The following SPAG17 variants were observed in gnomAD, a reference collection of about 807,000 sequenced individuals.
The protein encoded by SPAG17 is sperm associated antigen 17, also known as sperm-associated antigen 17.
A neutral mutation model predicts 273.6 loss-of-function variants in SPAG17; 169 were observed. The observed-to-expected ratio is 0.62, with a 90% CI of 0.55 to 0.70. SPAG17 has a LOEUF of 0.70. Among genes scored for constraint, SPAG17 ranks in the 30% least tolerant of loss-of-function variants. The probability of loss-of-function intolerance (pLI) is 0.00; values close to 1 mark genes in which losing one functional copy is unlikely to be tolerated. For missense variants in SPAG17, 2,557 were observed against 2,627.8 expected (o/e 0.97, Z 0.59); for synonymous variants, 825 against 873.2 (o/e 0.94, Z 0.97).
At chr1:118,094,380 C>T (rs1228880998) in intron 7 of SPAG17, among the ~76,000 whole-genome samples, 2 of 152,184 alleles carry the variant, frequency 1.3e-5, no homozygotes, top group Admixed American at 1.3e-4. Flanking sequence ...AGGGTCTTAA[C>T]TTGAAATGTT....
Position 118,023,315 on chromosome 1 carries a change from T to C in SPAG17, c.4058A>G (p.Asn1353Ser), listed in dbSNP as rs1240860893. 1.9e-6 allele frequency: 3 copies of C among 1,610,122 alleles called. No individual in the cohort carries two copies. The highest frequency in any genetic ancestry group is 2.2e-5 in the South Asian group (2 of 90,390). ...GCTTCAATTGTTACCTTTCTTTGTG[T>C]TGGTAATCTCAGATGGTATCGTTTC... ...KSETIPSEIT[N>S]TKKGKSHKSQ... The change falls in exon 28 of 49, where the codon AAC becomes AGC. Residue 1353 changes from asparagine (N) to serine (S), a missense_variant. Transcript: ENST00000336338.
At chr1:118,161,699 C>A (rs576392748) in intron 1 of SPAG17, among the ~76,000 whole-genome samples, 8 of 152,040 alleles carry the variant, frequency 5.3e-5, no homozygotes, top group Admixed American at 1.3e-4. Flanking sequence ...CCCCACCTGG[C>A]TAATTTTTTG....
chr1:118,079,093 T>C (rs926204803), intron 15 of SPAG17, among the ~76,000 whole-genome samples: 2 of 152,102 alleles, frequency 1.3e-5, no homozygotes, highest in African/African-American at 2.4e-5. Context: ...ATAAAATGAA[T>C]AGAGGAGGAT....
At chr1:118,170,776 G>A (rs1245669151) in intron 1 of SPAG17, among the ~76,000 whole-genome samples, 2 of 152,070 alleles carry the variant, frequency 1.3e-5, no homozygotes, top group African/African-American at 4.8e-5. Flanking sequence ...CTTTCTCCAG[G>A]AGCTCATTGC....
intron 4 of SPAG17, among the ~76,000 whole-genome samples, chr1:118,110,306 G>C (rs568694162): frequency 6.6e-6 from 1 of 152,006 alleles, no homozygotes; most frequent in South Asian, 2.1e-4. Flanking sequence ...CTGAAAAAGG[G>C]GTGCATTTTT....
At chr1:117,955,152 A>G in intron 48 of SPAG17, 1 of 551,104 alleles carries the variant, frequency 1.8e-6, no homozygotes, top group African/African-American at 1.9e-5. Context: ...TCAGTTGTCA[A>G]CCCAGATCTG....
chr1:117,992,117 A>G (rs1449817192), intron 36 of SPAG17, among the ~76,000 whole-genome samples: 1 of 152,128 alleles, frequency 6.6e-6, no homozygotes, highest in East Asian at 1.9e-4. Context: ...ACCGCTTCCA[A>G]AGGCTTTTAC....
chr1:118,009,837 T>G (rs531692499), intron 30 of SPAG17, among the ~76,000 whole-genome samples: 4 of 151,976 alleles, frequency 2.6e-5, no homozygotes, highest in Admixed American at 1.3e-4. Context: ...TACATGTTCA[T>G]CAATGGATGA....
In SPAG17 at chr1:118,081,208, T is replaced by C; in HGVS notation, c.2102A>G (p.Asn701Ser). Residue 701 changes from asparagine (N) to serine (S), a missense_variant, in exon 15 of 49, where the codon AAT (asparagine) becomes AGT (serine). Coordinates refer to ENST00000336338, the MANE Select transcript of SPAG17 (RefSeq NM_206996.4). ...PSDPSQCDANNMKHSDLNNLK... is the reference protein window; with the variant it reads ...PSDPSQCDANSMKHSDLNNLK... Reference sequence around the variant, plus strand: ...ATTATTCAAGTCAGAATGCTTCATATTGTTAGCATCACACTGACTAGGATC... The same window carrying C: ...ATTATTCAAGTCAGAATGCTTCATACTGTTAGCATCACACTGACTAGGATC... 6.2e-7 allele frequency: 1 copy of C among 1,614,016 alleles called. No homozygotes were observed. Among genetic ancestry groups the C allele is most frequent in the Non-Finnish European group, 8.5e-7 (1 of 1,179,954 alleles).
chr1:118,098,982 C>G (rs571797171), intron 6 of SPAG17, among the ~76,000 whole-genome samples: 1 of 152,276 alleles, frequency 6.6e-6, no homozygotes, highest in African/African-American at 2.4e-5. Flanking sequence ...TCTGGTAACA[C>G]AATCTTACAC....
Position 118,097,779 on chromosome 1 carries a change from G to A in SPAG17, c.902C>T (p.Pro301Leu). 6.2e-7 allele frequency: 1 copy of A among 1,608,296 alleles called. No individual in the cohort carries two copies. The highest frequency in any genetic ancestry group is 8.5e-7 in the Non-Finnish European group (1 of 1,177,856). ...TTCAGGTTTCTCATTATTCAGGACT[G>A]GTTCCAAGTACTTCCAGAAAGTTTT... ...ELKTFWKYLEPVLNNEKPETN... is the reference protein window; with the variant it reads ...ELKTFWKYLELVLNNEKPETN... Residue 301 changes from proline to leucine, a missense_variant, in exon 7 of 49, where the codon CCA becomes CTA. By Grantham distance (98) the Pro-to-Leu change is moderately conservative. Coordinates refer to ENST00000336338, the MANE Select transcript of SPAG17 (RefSeq NM_206996.4).
At chr1:118,108,504 C>G (rs1040350866) in intron 4 of SPAG17, among the ~76,000 whole-genome samples, 1 of 152,128 alleles carries the variant, frequency 6.6e-6, no homozygotes. Context: ...TTTCTCTGGC[C>G]TTTCTTGCTT....
At chr1:118,035,157 A>C (rs1648934150) in intron 24 of SPAG17, among the ~76,000 whole-genome samples, 1 of 152,198 alleles carries the variant, frequency 6.6e-6, no homozygotes, top group Admixed American at 6.5e-5. Flanking sequence ...ATTTTTACAA[A>C]GACTTATACC....
At chr1:118,131,871 A>G (rs1379768274) in intron 3 of SPAG17, among the ~76,000 whole-genome samples, 2 of 152,150 alleles carry the variant, frequency 1.3e-5, no homozygotes, top group African/African-American at 4.8e-5. Flanking sequence ...TGAACTGTTG[A>G]GATGGAGCCA....
intron 1 of SPAG17, among the ~76,000 whole-genome samples, chr1:118,184,422 G>A (rs1316011719): frequency 6.6e-6 from 1 of 152,122 alleles, no homozygotes; most frequent in Non-Finnish European, 1.5e-5. Context: ...CATGCACTTT[G>A]AAGTCCTGTG....
chr1:118,116,825 G>A (rs1657108048), intron 3 of SPAG17, among the ~76,000 whole-genome samples: 2 of 152,182 alleles, frequency 1.3e-5, no homozygotes, highest in Non-Finnish European at 2.9e-5. Context: ...AGAAATCCCT[G>A]CAAGGACTCT....
At chr1:118,095,861 C>G (rs1655674429) in intron 7 of SPAG17, among the ~76,000 whole-genome samples, 1 of 152,052 alleles carries the variant, frequency 6.6e-6, no homozygotes, top group Non-Finnish European at 1.5e-5. Flanking sequence ...GGGTCCTTCT[C>G]TGAGGTCAGG....
At chr1:118,009,940 G>T (rs548047398) in intron 30 of SPAG17, among the ~76,000 whole-genome samples, 1 of 152,164 alleles carries the variant, frequency 6.6e-6, no homozygotes, top group Admixed American at 6.6e-5. Context: ...TCTGTCATTT[G>T]CAACAATATG....
chr1:118,061,684 T>A (rs1338001452), intron 18 of SPAG17, among the ~76,000 whole-genome samples: 1 of 152,232 alleles, frequency 6.6e-6, no homozygotes, highest in Admixed American at 6.5e-5. Flanking sequence ...ATAATGGGTA[T>A]GTTTAGTACC....
Sources: allele counts gnomAD v4.1 joint callset (sites outside exome capture counted in the v4.1 genomes callset), GRCh38; gene constraint gnomAD v4.1.1; transcripts MANE v1.5; gene names NCBI Gene and HGNC (gene_info 2026-07-23, HGNC 2026-07-21).